Variants in EYA2 observed in about 807,000 individuals in gnomAD.
The protein encoded by EYA2 is EYA transcriptional coactivator and phosphatase 2, also known as protein phosphatase EYA2.
EYA2 carries 31 observed loss-of-function variants against 69.2 expected under a neutral mutation model. That is an observed-to-expected ratio of 0.45 (90% CI 0.34 to 0.60). The LOEUF (loss-of-function observed/expected upper bound fraction) is 0.60. EYA2 is among the 20% of genes least tolerant of loss of function. EYA2 has a pLI of 0.02. For missense variants in EYA2, 622 were observed against 701.2 expected (o/e 0.89, Z 1.28); for synonymous variants, 257 against 279.4 (o/e 0.92, Z 0.80).
In EYA2 at chr20:47,027,045, G is replaced by T. The variant is rs112416199; in HGVS notation, c.415+10748G>T. The stretch of plus-strand genomic sequence containing the variant: ...CCACAGGTCCCGAGATGTCTAGATG[G>T]GGCAAATCACAAGCTAAGTGGTGAC... On this transcript the variant is annotated intron_variant, in intron 5 of 15. Transcript: ENST00000327619. Among the ~76,000 whole-genome samples, 1,043 of 152,232 alleles carry T rather than the reference G, an allele frequency of 6.9e-3. 5 individuals carry two copies. Among genetic ancestry groups the T allele is most frequent in the Non-Finnish European group, 0.01 (713 of 68,020 alleles).
chr20:47,146,984 G>T (rs2033715411), intron 10 of EYA2, among the ~76,000 whole-genome samples: 1 of 152,042 alleles, frequency 6.6e-6, no homozygotes, highest in East Asian at 1.9e-4. Flanking sequence ...AAGAGAGTCA[G>T]GGAGGAGGCT....
intron 5 of EYA2, among the ~76,000 whole-genome samples, chr20:47,068,527 G>A (rs193026874): frequency 6.6e-6 from 1 of 152,268 alleles, no homozygotes; most frequent in East Asian, 1.9e-4. Flanking sequence ...AAGGTTTGTT[G>A]TTGTTGTTGT....
At chr20:47,109,930 G>T (rs1251978875) in intron 9 of EYA2, among the ~76,000 whole-genome samples, 1 of 152,118 alleles carries the variant, frequency 6.6e-6, no homozygotes, top group Non-Finnish European at 1.5e-5. Flanking sequence ...TGTGGCTGGG[G>T]GCCTGCATCT....
At chr20:46,999,904 A>G (rs1982251173) in intron 2 of EYA2, among the ~76,000 whole-genome samples, 1 of 152,216 alleles carries the variant, frequency 6.6e-6, no homozygotes, top group Admixed American at 6.5e-5. Flanking sequence ...TGAGGACTCA[A>G]TGAGAGCCTG....
chr20:46,898,253 G>GGT (rs528193766), intron 1 of EYA2, among the ~76,000 whole-genome samples: 4 of 136,700 alleles, frequency 2.9e-5, no homozygotes, highest in Admixed American at 7.3e-5. Flanking sequence ...TTTTGTGTTG[G>GGT]TTTTTTTTTT....
At chr20:46,986,299 G>A (rs1401241808) in intron 1 of EYA2, among the ~76,000 whole-genome samples, 1 of 125,920 alleles carries the variant, frequency 7.9e-6, no homozygotes. Flanking sequence ...TATATCTAAT[G>A]TATATATTAT....
At chr20:46,951,715 G>A (rs1333299) in intron 1 of EYA2, among the ~76,000 whole-genome samples, 59,683 of 152,032 alleles carry the variant, frequency 0.39, 12,746 homozygotes, top group Admixed American at 0.55. Context: ...GGTAATTTTC[G>A]TCATCTGAAC....
At chr20:47,100,076 G>A (rs1277642154) in intron 9 of EYA2, among the ~76,000 whole-genome samples, 1 of 152,130 alleles carries the variant, frequency 6.6e-6, no homozygotes. Flanking sequence ...ATGGAACAGT[G>A]TCTCCCACTT....
chr20:47,058,145 A>G (rs1392898959), intron 5 of EYA2, among the ~76,000 whole-genome samples: 1 of 152,128 alleles, frequency 6.6e-6, no homozygotes, highest in Non-Finnish European at 1.5e-5. Flanking sequence ...GGTAACTGTC[A>G]CCTCTCCTTA....
At chr20:46,962,825 G>A (rs901405542) in intron 1 of EYA2, among the ~76,000 whole-genome samples, 2 of 152,200 alleles carry the variant, frequency 1.3e-5, no homozygotes, top group Non-Finnish European at 2.9e-5. Context: ...GTGCACAGCT[G>A]GACTGTGGGT....
intron 1 of EYA2, among the ~76,000 whole-genome samples, chr20:46,952,679 C>T (rs539945732): frequency 9.8e-5 from 15 of 152,308 alleles, no homozygotes; most frequent in Admixed American, 2.0e-4. Flanking sequence ...CAGGCCACCC[C>T]GCACCTGGAG....
rs1186888467 is a variant in EYA2 at position 46,989,878 on chromosome 20, T to A, written c.-10-123T>A. ...TGAGTGAATTTTTATCATGTAGAAT[T>A]TATAAGAAGTCTGGGTTTAGGTAAT... On this transcript the variant is annotated intron_variant, in intron 1 of 15. Coordinates refer to ENST00000327619, the MANE Select transcript of EYA2 (RefSeq NM_005244.5). The A allele has an allele frequency of 7.9e-6, 4 of 507,984 alleles. No individual in the cohort carries two copies. The East Asian group carries it at 1.1e-4, about 15-fold the overall frequency. The allele number at this position is 507,984 out of a possible 1,614,324, so 31.5% of individuals were successfully genotyped here. A position where few individuals can be genotyped will look rare whatever the true frequency, so the allele number is the denominator to read the frequency against.
intron 9 of EYA2, among the ~76,000 whole-genome samples, chr20:47,117,224 G>A (rs934685464): frequency 6.6e-6 from 1 of 152,114 alleles, no homozygotes; most frequent in Non-Finnish European, 1.5e-5. Flanking sequence ...TGGCCAGGCT[G>A]GTCTCGAACT....
chr20:47,117,126 C>T (rs1401933991), intron 9 of EYA2, among the ~76,000 whole-genome samples: 1 of 151,692 alleles, frequency 6.6e-6, no homozygotes, highest in Non-Finnish European at 1.5e-5. Context: ...CATTCTCCTG[C>T]CTCAGCCTCC....
chr20:47,149,365 AT>A, intron 10 of EYA2, among the ~76,000 whole-genome samples: 1 of 152,122 alleles, frequency 6.6e-6, no homozygotes. Context: ...GCAGATTTTC[AT>A]TATCAGCTCA....
At chr20:46,927,914 A>G (rs912481502) in intron 1 of EYA2, among the ~76,000 whole-genome samples, 3 of 152,220 alleles carry the variant, frequency 2.0e-5, no homozygotes, top group Non-Finnish European at 4.4e-5. Flanking sequence ...AGTGAAGTGC[A>G]CATAGTAACC....
intron 4 of EYA2, among the ~76,000 whole-genome samples, chr20:47,014,949 T>G (rs1464576110): frequency 6.6e-6 from 1 of 151,862 alleles, no homozygotes; most frequent in Non-Finnish European, 1.5e-5. Flanking sequence ...TATAAGCTCA[T>G]GAAGAATAAT....
chr20:47,162,094 A>G (rs1162114237), intron 10 of EYA2, among the ~76,000 whole-genome samples: 1 of 151,838 alleles, frequency 6.6e-6, no homozygotes, highest in Admixed American at 6.6e-5. Flanking sequence ...AGAACATGTC[A>G]CCCGGTCTCT....
At chr20:47,011,407 C>A (rs1983049041) in intron 4 of EYA2, among the ~76,000 whole-genome samples, 1 of 152,126 alleles carries the variant, frequency 6.6e-6, no homozygotes, top group Non-Finnish European at 1.5e-5. Flanking sequence ...CTGCTCAGAT[C>A]CCTCCAGGGC....
Sources: gnomAD v4.1 joint callset for allele counts (sites outside exome capture counted in the v4.1 genomes callset) on GRCh38, gnomAD v4.1.1 for gene constraint, MANE v1.5 for transcripts, NCBI Gene and HGNC (gene_info 2026-07-23, HGNC 2026-07-21) for gene names.